The following AKR1C8 variants were observed in gnomAD, a reference collection of about 807,000 sequenced individuals.
AKR1C8 encodes aldo-keto reductase family 1 member C-like protein 1.
chr10:5,146,831 T>C, the AKR1C8 span, among the ~76,000 whole-genome samples: 1 of 152,192 alleles, frequency 6.6e-6, no homozygotes, highest in Admixed American at 6.5e-5. Context: ...AGAAGGGTTA[T>C]CTTCTCAAAT....
chr10:5,141,238 T>A, the AKR1C8 span, among the ~76,000 whole-genome samples: 5 of 152,302 alleles, frequency 3.3e-5, no homozygotes, highest in African/African-American at 1.2e-4. Context: ...TCTTAATCTC[T>A]TAAAGTTTTA....
the AKR1C8 span, among the ~76,000 whole-genome samples, chr10:5,136,890 G>T: frequency 7.9e-5 from 12 of 152,174 alleles, no homozygotes; most frequent in South Asian, 4.1e-4. Context: ...TCTGACAAGA[G>T]ATAAACAAGA....
the AKR1C8 span, among the ~76,000 whole-genome samples, chr10:5,142,272 G>A: frequency 6.6e-6 from 1 of 152,114 alleles, no homozygotes; most frequent in Non-Finnish European, 1.5e-5. Flanking sequence ...GAATGTTGTG[G>A]CTGGTTGATC....
chr10:5,149,280 C>G, the AKR1C8 span, among the ~76,000 whole-genome samples: 2 of 151,972 alleles, frequency 1.3e-5, no homozygotes, highest in South Asian at 4.2e-4. Flanking sequence ...TCTCTCCAGT[C>G]CCTAGATTTT....
At chr10:5,146,742 G>GT in the AKR1C8 span, among the ~76,000 whole-genome samples, 9 of 152,198 alleles carry the variant, frequency 5.9e-5, no homozygotes, top group Non-Finnish European at 1.2e-4. Flanking sequence ...GTTTAATTAG[G>GT]TCCCAGCTAC....
the AKR1C8 span, among the ~76,000 whole-genome samples, chr10:5,150,505 A>G: frequency 1.4e-4 from 21 of 152,094 alleles, no homozygotes; most frequent in Non-Finnish European, 5.9e-5. Flanking sequence ...GTTAAACACT[A>G]TTTCATATTT....
chr10:5,155,637 G>C, the AKR1C8 span: 6 of 449,290 alleles, frequency 1.3e-5, no homozygotes, highest in Admixed American at 1.3e-4. Context: ...GCATACTACA[G>C]AAAACAGCCT....
the AKR1C8 span, chr10:5,161,844 A>G: frequency 5.6e-6 from 3 of 534,666 alleles, no homozygotes; most frequent in Non-Finnish European, 3.8e-6. Context: ...ACAAGGAAAA[A>G]CAAAAGCTGA....
the AKR1C8 span, among the ~76,000 whole-genome samples, chr10:5,165,501 C>T: frequency 4.6e-5 from 7 of 151,972 alleles, no homozygotes; most frequent in African/African-American, 1.7e-4. Flanking sequence ...AACTTCATAC[C>T]CCATCTGTGA....
the AKR1C8 span, among the ~76,000 whole-genome samples, chr10:5,128,492 C>T: frequency 6.6e-6 from 1 of 152,110 alleles, no homozygotes; most frequent in East Asian, 1.9e-4. Context: ...CACAGAATGG[C>T]AGAATGGATA....
At chr10:5,119,941 G>T in the AKR1C8 span, among the ~76,000 whole-genome samples, 1 of 152,216 alleles carries the variant, frequency 6.6e-6, no homozygotes, top group African/African-American at 2.4e-5. Flanking sequence ...AAAAGTTGTT[G>T]GGAACAGGCC....
At chr10:5,136,376 C>T in the AKR1C8 span, among the ~76,000 whole-genome samples, 401 of 152,176 alleles carry the variant, frequency 2.6e-3, 2 homozygotes, top group African/African-American at 9.1e-3. Flanking sequence ...GACGAAACCT[C>T]GTCTCTACCA....
the AKR1C8 span, among the ~76,000 whole-genome samples, chr10:5,160,442 C>A: frequency 3.9e-4 from 59 of 152,090 alleles, 1 homozygote; most frequent in Admixed American, 2.6e-4. Flanking sequence ...CTGTCCTGCA[C>A]CTTCCACCCT....
the AKR1C8 span, among the ~76,000 whole-genome samples, chr10:5,151,385 G>C: frequency 1.3e-5 from 2 of 152,056 alleles, no homozygotes; most frequent in African/African-American, 2.4e-5. Context: ...TATCATCTTT[G>C]TTTCAAACTA....
chr10:5,184,938 C>T, the AKR1C8 span: 1 of 499,636 alleles, frequency 2.0e-6, no homozygotes, highest in Middle Eastern at 3.4e-4. Context: ...TACCCAAGTG[C>T]AGGGCTCTTG....
At chr10:5,145,892 T>C in the AKR1C8 span, among the ~76,000 whole-genome samples, 1 of 152,122 alleles carries the variant, frequency 6.6e-6, no homozygotes, top group African/African-American at 2.4e-5. Flanking sequence ...TAAAGACACA[T>C]GTGCACATAT....
At chr10:5,132,611 G>C in the AKR1C8 span, 293 of 1,577,998 alleles carry the variant, frequency 1.9e-4, no homozygotes, top group Middle Eastern at 1.7e-4. Flanking sequence ...CCTTTGAAGT[G>C]TAGAATATGT....
At chr10:5,180,785 C>T in the AKR1C8 span, among the ~76,000 whole-genome samples, 7 of 152,348 alleles carry the variant, frequency 4.6e-5, no homozygotes, top group Middle Eastern at 3.4e-3. Context: ...TAGGACCCTC[C>T]GAGCCATGTG....
At chr10:5,176,984 A>G in the AKR1C8 span, among the ~76,000 whole-genome samples, 19,091 of 151,294 alleles carry the variant, frequency 0.13, 1,463 homozygotes, top group Admixed American at 0.17. Context: ...TCTCCTGCCT[A>G]ATTGCCCTGG....
Sources: allele counts gnomAD v4.1 joint callset (sites outside exome capture counted in the v4.1 genomes callset), GRCh38; gene constraint gnomAD v4.1.1; transcripts MANE v1.5; gene names NCBI Gene and HGNC (gene_info 2026-07-23, HGNC 2026-07-21).